POU3F3: variants seen among roughly 807,000 people sequenced by gnomAD.
POU3F3 encodes POU class 3 homeobox 3.
In POU3F3, 1 loss-of-function variant was observed where a neutral mutation model predicts 8.6. That is an observed-to-expected ratio of 0.12 (90% confidence interval 0.04 to 0.55). The LOEUF (loss-of-function observed/expected upper bound fraction) is 0.55. Among genes scored for constraint, POU3F3 ranks in the 20% least tolerant of loss-of-function variants. POU3F3 has a pLI of 0.91. For synonymous variants in POU3F3, 418 were observed against 327.4 expected, an observed-to-expected ratio of 1.28 and a Z score of -2.99; for missense variants, 577 against 690.7, an observed-to-expected ratio of 0.84 and a Z score of 1.84.
At chr2:104,908,843 G>A in the POU3F3 span, among the ~76,000 whole-genome samples, 1 of 152,180 alleles carries the variant, frequency 6.6e-6, no homozygotes, top group Non-Finnish European at 1.5e-5. Flanking sequence ...AGTAGATAAT[G>A]ATGCATAGTA....
At chr2:104,895,713 C>T in the POU3F3 span, among the ~76,000 whole-genome samples, 7,821 of 152,260 alleles carry the variant, frequency 0.051, 270 homozygotes, top group Middle Eastern at 0.13. Context: ...TTCCTATGCC[C>T]CTATTTTTCT....
the POU3F3 span, among the ~76,000 whole-genome samples, chr2:104,888,731 C>T: frequency 6.6e-6 from 1 of 152,120 alleles, no homozygotes; most frequent in Non-Finnish European, 1.5e-5. Flanking sequence ...TCCTTCCCCA[C>T]TCTCAGGAGA....
At chr2:104,927,196 C>T in the POU3F3 span, among the ~76,000 whole-genome samples, 4 of 152,186 alleles carry the variant, frequency 2.6e-5, no homozygotes, top group African/African-American at 7.2e-5. Context: ...TAATCCCACT[C>T]ATGAGGGCTC....
chr2:104,921,193 G>A, the POU3F3 span, among the ~76,000 whole-genome samples: 1 of 152,132 alleles, frequency 6.6e-6, no homozygotes, highest in African/African-American at 2.4e-5. Context: ...CAGAGGCGAG[G>A]AGGCCATGAT....
chr2:104,912,665 T>C, the POU3F3 span, among the ~76,000 whole-genome samples: 4 of 152,232 alleles, frequency 2.6e-5, no homozygotes, highest in Admixed American at 1.3e-4. Flanking sequence ...AGCCTGAACA[T>C]TGAGCACGAC....
chr2:104,913,740 T>G, the POU3F3 span, among the ~76,000 whole-genome samples: 2 of 152,270 alleles, frequency 1.3e-5, no homozygotes, highest in East Asian at 3.8e-4. Flanking sequence ...AAAACGTACC[T>G]GTACCTATGC....
At chr2:104,895,070 TG>T in the POU3F3 span, among the ~76,000 whole-genome samples, 1 of 35,886 alleles carries the variant, frequency 2.8e-5, no homozygotes, top group Non-Finnish European at 7.1e-5. Flanking sequence ...TGAGTGTGTG[TG>T]TGTGTGTGTG....
downstream of POU3F3, among the ~76,000 whole-genome samples, chr2:104,863,184 A>ATTATTC (rs1676686535): frequency 6.8e-6 from 1 of 146,246 alleles, no homozygotes; most frequent in South Asian, 2.1e-4. Flanking sequence ...TATTATTATT[A>ATTATTC]TTATTATTAT....
the POU3F3 span, among the ~76,000 whole-genome samples, chr2:104,915,237 C>G: frequency 6.6e-6 from 1 of 152,154 alleles, no homozygotes; most frequent in Non-Finnish European, 1.5e-5. Context: ...TGCCCTGTTT[C>G]AGGTAGTTGA....
the POU3F3 span, chr2:104,867,758 G>C: frequency 6.1e-6 from 1 of 164,108 alleles, no homozygotes; most frequent in African/African-American, 2.4e-5. This position sits in a 1 kb window ranked among gnomAD's most constrained non-coding sequence, Gnocchi z 5.0. Flanking sequence ...CCCGCTGGGC[G>C]ATCAGAAGAG....
chr2:104,865,213 C>G, the POU3F3 span, among the ~76,000 whole-genome samples: 1 of 152,180 alleles, frequency 6.6e-6, no homozygotes, highest in Admixed American at 6.5e-5. Flanking sequence ...AGTGAATCTC[C>G]TTTCCCTATA....
chr2:104,871,940 A>G, the POU3F3 span, among the ~76,000 whole-genome samples: 1 of 152,070 alleles, frequency 6.6e-6, no homozygotes, highest in Non-Finnish European at 1.5e-5. Flanking sequence ...ACGGCCAGCG[A>G]AAGTTTCCCC....
chr2:104,900,276 TAAC>T, the POU3F3 span, among the ~76,000 whole-genome samples: 8 of 152,328 alleles, frequency 5.3e-5, 1 homozygote, highest in South Asian at 4.1e-4. Context: ...GATGACACTT[TAAC>T]AACTGACACT....
the POU3F3 span, among the ~76,000 whole-genome samples, chr2:104,869,620 T>G: frequency 6.6e-6 from 1 of 152,178 alleles, no homozygotes; most frequent in Admixed American, 6.5e-5. Flanking sequence ...CTGGACAGGA[T>G]CACAGAGTCA....
chr2:104,855,853 G>A lies in POU3F3; in HGVS notation c.343G>A (p.Ala115Thr). 4.6e-6 allele frequency: 5 copies of A among 1,080,532 alleles called. No homozygotes were observed. The highest frequency in any genetic ancestry group is 3.3e-6 in the Non-Finnish European group (3 of 896,442). 66.9% of individuals were successfully genotyped at this position (1,080,532 alleles called of 1,614,324 possible). The change falls in exon 1 of 1, where the codon GCC (alanine) becomes ACC (threonine). Residue 115 changes from alanine to threonine, a missense_variant. Coordinates refer to ENST00000361360, the MANE Select transcript of POU3F3 (RefSeq NM_006236.3). ...CGCCGCCGCCGCTGCCGCCGCCGCCGCCGTGGAGGCGAGCTCGCCGTGGTC... is the reference window on the plus strand; with the variant it reads ...CGCCGCCGCCGCTGCCGCCGCCGCCACCGTGGAGGCGAGCTCGCCGTGGTC... ...AAAAAAAAAA[A>T]VEASSPWSGS...
the POU3F3 span, among the ~76,000 whole-genome samples, chr2:104,898,509 G>A: frequency 3.7e-3 from 564 of 152,248 alleles, 2 homozygotes; most frequent in African/African-American, 0.013. Context: ...ATGTAGAATA[G>A]AAATTCTAGT....
At chr2:104,925,798 A>G in the POU3F3 span, among the ~76,000 whole-genome samples, 110 of 151,960 alleles carry the variant, frequency 7.2e-4, no homozygotes, top group African/African-American at 2.5e-3. Flanking sequence ...GCCCAGCCAT[A>G]AAGAACTTAG....
chr2:104,904,347 C>T, the POU3F3 span, among the ~76,000 whole-genome samples: 1 of 152,018 alleles, frequency 6.6e-6, no homozygotes, highest in African/African-American at 2.4e-5. Flanking sequence ...TCATATGTCA[C>T]CAACAGGGCC....
chr2:104,926,579 A>G, the POU3F3 span, among the ~76,000 whole-genome samples: 2 of 152,304 alleles, frequency 1.3e-5, no homozygotes, highest in Middle Eastern at 3.4e-3. Flanking sequence ...CAGAAATACC[A>G]TTTGACCCAG....
Sources: allele counts gnomAD v4.1 joint callset (sites outside exome capture counted in the v4.1 genomes callset), GRCh38; gene constraint gnomAD v4.1.1; non-coding constraint Gnocchi (gnomAD v3.1); transcripts MANE v1.5; gene names NCBI Gene and HGNC (gene_info 2026-07-23, HGNC 2026-07-21).